HDAC8: variants seen among roughly 807,000 people sequenced by gnomAD.
HDAC8 encodes histone deacetylase-like 1.
In HDAC8, 1 loss-of-function variant was observed where a neutral mutation model predicts 32.2. The ratio of observed to expected loss-of-function variants is 0.03; its 90% CI spans 0.01 to 0.15. The LOEUF is 0.15. Ranked by LOEUF, HDAC8 falls within the 10% of genes least tolerant of loss-of-function variation. The probability of loss-of-function intolerance (pLI) is 1.00; values close to 1 mark genes in which losing one functional copy is unlikely to be tolerated. For synonymous variants in HDAC8, 108 were observed against 113.9 expected (o/e 0.95, Z 0.33); for missense variants, 117 against 300.0 (o/e 0.39, Z 4.51).
intron 10 of HDAC8, among the ~76,000 whole-genome samples, chrX:72,348,493 G>C (rs1555947740): frequency 8.9e-6 from 1 of 112,649 alleles, no homozygotes; most frequent in Admixed American, 9.4e-5. Context: ...CACAGTATCA[G>C]TATAGCAGGT....
chrX:72,350,255 C>T (rs1259916407), intron 10 of HDAC8, among the ~76,000 whole-genome samples: 1 of 111,494 alleles, frequency 9.0e-6, no homozygotes, highest in Admixed American at 9.5e-5. Flanking sequence ...AGGGACGCCT[C>T]AGAGGGGACA....
At chrX:72,418,125 A>C (rs1450315469) in intron 9 of HDAC8, among the ~76,000 whole-genome samples, 1 of 111,811 alleles carries the variant, frequency 8.9e-6, no homozygotes, top group Non-Finnish European at 1.9e-5. Context: ...GAACCTAGAA[A>C]GTAGTCTTCT....
chrX:72,542,194 AC>A (rs1238156079), intron 4 of HDAC8, among the ~76,000 whole-genome samples: 1 of 112,312 alleles, frequency 8.9e-6, no homozygotes, highest in Non-Finnish European at 1.9e-5. Flanking sequence ...TACTTTGGTC[AC>A]TGAGCATAAC....
chrX:72,486,714 C>T (rs2048688244), intron 7 of HDAC8, among the ~76,000 whole-genome samples: 1 of 111,528 alleles, frequency 9.0e-6, no homozygotes, highest in South Asian at 3.8e-4. Context: ...AACTATACTT[C>T]TATAGTACAG....
intron 7 of HDAC8, among the ~76,000 whole-genome samples, chrX:72,479,125 C>G (rs947074475): frequency 8.9e-6 from 1 of 111,887 alleles, no homozygotes; most frequent in Admixed American, 9.5e-5. Context: ...CACATCCCAA[C>G]GAGGCAGCTC....
chrX:72,437,444 GT>G (rs1353811660), intron 9 of HDAC8, among the ~76,000 whole-genome samples: 4 of 108,352 alleles, frequency 3.7e-5, no homozygotes, highest in Admixed American at 2.0e-4. Flanking sequence ...AGCTTCAGGA[GT>G]TTTTTTTTTC....
chrX:72,436,159 G>T (rs782091346), intron 9 of HDAC8, among the ~76,000 whole-genome samples: 7 of 111,199 alleles, frequency 6.3e-5, no homozygotes, highest in Non-Finnish European at 1.3e-4. Context: ...AATATTCAAA[G>T]AAATGGCTGA....
At chrX:72,530,300 C>T (rs782066293) in intron 4 of HDAC8, among the ~76,000 whole-genome samples, 1 of 111,909 alleles carries the variant, frequency 8.9e-6, no homozygotes, top group South Asian at 3.8e-4. Context: ...GAGGGTACTT[C>T]TAGAGCCCTC....
At chrX:72,479,309 G>A (rs781824224) in intron 7 of HDAC8, among the ~76,000 whole-genome samples, 49 of 111,941 alleles carry the variant, frequency 4.4e-4, no homozygotes, top group Middle Eastern at 4.6e-3. Context: ...GGGGTGCATG[G>A]TGGAGAGCAG....
intron 4 of HDAC8, among the ~76,000 whole-genome samples, chrX:72,509,047 G>GTATA (rs2049482951): frequency 9.1e-6 from 1 of 109,651 alleles, no homozygotes; most frequent in South Asian, 3.9e-4. Flanking sequence ...TTCCTGCCCT[G>GTATA]TTTATTTATT....
intron 4 of HDAC8, among the ~76,000 whole-genome samples, chrX:72,522,536 G>A (rs2050013688): frequency 8.9e-6 from 1 of 112,168 alleles, no homozygotes; most frequent in East Asian, 2.8e-4. Context: ...ATTTGACACT[G>A]GTAAACATAC....
At chrX:72,384,855 T>G (rs1259683187) in intron 9 of HDAC8, among the ~76,000 whole-genome samples, 2 of 112,233 alleles carry the variant, frequency 1.8e-5, no homozygotes, top group Non-Finnish European at 3.8e-5. Context: ...AATATCATTT[T>G]GATACAATAA....
rs782085368 is a variant in HDAC8, at chrX:72,464,647, C to T, written c.822G>A (p.Met274Ile). ...CCACTGGAGTCATGTTAAAGGAGCA[C>T]ATGGGATCCCCAGCTATTGTGTCAG... ...LGADTIAGDPMCSFNMTPVGI... is the reference protein window; with the variant it reads ...LGADTIAGDPICSFNMTPVGI... Residue 274 changes from methionine to isoleucine, a missense_variant, in exon 8 of 11, where the codon ATG becomes ATA. Coordinates refer to ENST00000373573, the MANE Select transcript of HDAC8 (RefSeq NM_018486.3). The T allele has an allele frequency of 2.5e-6, 3 of 1,202,893 alleles. No individual in the cohort carries two copies. Among genetic ancestry groups the T allele is most frequent in the Non-Finnish European group, 3.4e-6 (3 of 888,776 alleles).
chrX:72,389,232 G>A (rs1278718738), intron 9 of HDAC8, among the ~76,000 whole-genome samples: 4 of 111,727 alleles, frequency 3.6e-5, no homozygotes, highest in Non-Finnish European at 7.5e-5. Context: ...AGGGAGACAC[G>A]CTGAGCATTC....
chrX:72,329,836 A>G lies in HDAC8; in HGVS notation c.*218T>C, dbSNP rs2043468714. 1 of 968,669 alleles carries G rather than the reference A, an allele frequency of 1.0e-6. No homozygotes were observed. The highest frequency in any genetic ancestry group is 1.4e-6 in the Non-Finnish European group (1 of 703,685). The allele number at this position is 968,669 out of a possible 1,213,427, so 79.8% of individuals were successfully genotyped here. ...TAAATAAGAACTTTAAATGTGGGAT[A>G]TCTCCTTCTTCCCCTAGGTCCAGTT... On this transcript the variant is annotated 3_prime_UTR_variant, in exon 11 of 11. Coordinates refer to ENST00000373573, the MANE Select transcript of HDAC8 (RefSeq NM_018486.3).
intron 4 of HDAC8, among the ~76,000 whole-genome samples, chrX:72,519,336 G>A (rs1040902966): frequency 6.3e-5 from 7 of 111,722 alleles, no homozygotes; most frequent in Admixed American, 1.9e-4. Context: ...GAACTGCTGG[G>A]ATATATGATA....
At chrX:72,482,075 T>C (rs2048526438) in intron 7 of HDAC8, among the ~76,000 whole-genome samples, 1 of 111,892 alleles carries the variant, frequency 8.9e-6, no homozygotes, top group Non-Finnish European at 1.9e-5. Context: ...AAATGCCCTT[T>C]AGTGATGTCC....
chrX:72,398,019 A>G (rs73498336), intron 9 of HDAC8, among the ~76,000 whole-genome samples: 2,720 of 112,046 alleles, frequency 0.024, 74 homozygotes, highest in African/African-American at 0.083. Context: ...AAGTTATTAG[A>G]TAATGCCAAA....
chrX:72,495,120 C>T, intron 5 of HDAC8, 36 bp downstream of exon 5: 1 of 1,011,698 alleles, frequency 9.9e-7, no homozygotes, highest in Non-Finnish European at 1.4e-6. Context: ...ACCTGCTGTC[C>T]TCGCAGCAAA....
Sources: allele counts gnomAD v4.1 joint callset (sites outside exome capture counted in the v4.1 genomes callset), GRCh38; gene constraint gnomAD v4.1.1; transcripts MANE v1.5; gene names NCBI Gene and HGNC (gene_info 2026-07-23, HGNC 2026-07-21).